Variants in DOCK2 observed in about 807,000 individuals in gnomAD.
The protein encoded by DOCK2 is dedicator of cytokinesis 2.
DOCK2 carries 87 observed loss-of-function variants against 248.9 expected under a neutral mutation model. The observed-to-expected ratio is 0.35, with a 90% CI of 0.29 to 0.42. DOCK2 has a LOEUF of 0.42. Ranked by LOEUF, DOCK2 falls within the 10% of genes least tolerant of loss-of-function variation. The pLI is 1.00. For missense variants in DOCK2, 1,747 were observed against 2,300.2 expected, an observed-to-expected ratio of 0.76 and a Z score of 4.92; for synonymous variants, 805 against 821.6, an observed-to-expected ratio of 0.98 and a Z score of 0.35.
rs1554099582 is a variant in DOCK2 at position 169,776,143 on chromosome 5, T to TATTTATATAAATATA, written c.2554+14518_2554+14519insATTTATATAAATATA. 6.4e-5 allele frequency among the ~76,000 whole-genome samples: 8 copies of TATTTATATAAATATA among 124,930 alleles called. No homozygotes were observed. The East Asian group carries it at 2.5e-3, about 40-fold the overall frequency. 82.0% of individuals were successfully genotyped at this position (124,930 alleles called of 152,430 possible). A position where few individuals can be genotyped will look rare whatever the true frequency, so the allele number is the denominator to read the frequency against. On this transcript the variant is annotated intron_variant, in intron 25 of 51. Coordinates refer to ENST00000520908, the MANE Select transcript of DOCK2 (RefSeq NM_004946.3). The stretch of plus-strand genomic sequence containing the variant: ...TATATATGATATGATATGAATCATA[T>TATTTATATAAATATA]TATATTTATATAAATATATATATTT...
intron 25 of DOCK2, among the ~76,000 whole-genome samples, chr5:169,791,633 GGAGT>G (rs1766341691): frequency 6.6e-6 from 1 of 152,182 alleles, no homozygotes; most frequent in East Asian, 1.9e-4. Flanking sequence ...CTCATGAGCC[GGAGT>G]GAGTGGGGCT....
At chr5:169,942,798 C>T (rs113136212) in intron 27 of DOCK2, among the ~76,000 whole-genome samples, 6,732 of 152,278 alleles carry the variant, frequency 0.044, 221 homozygotes, top group Non-Finnish European at 0.067. Flanking sequence ...CTGTCAGGAA[C>T]CTCAGTCTTT....
chr5:169,739,996 GA>G (rs991004814), intron 22 of DOCK2, among the ~76,000 whole-genome samples: 7 of 152,262 alleles, frequency 4.6e-5, no homozygotes, highest in African/African-American at 1.2e-4. Flanking sequence ...ATATTGGGGG[GA>G]AAAACCCTAA....
At chr5:170,068,042 C>T (rs772744208) in intron 45 of DOCK2, among the ~76,000 whole-genome samples, 1 of 152,150 alleles carries the variant, frequency 6.6e-6, no homozygotes, top group Middle Eastern at 3.2e-3. Flanking sequence ...TATAAACCCA[C>T]CTCTTCCACA....
chr5:170,043,356 A>G (rs575578686), intron 38 of DOCK2, among the ~76,000 whole-genome samples: 1 of 152,358 alleles, frequency 6.6e-6, no homozygotes, highest in South Asian at 2.1e-4. Context: ...GACCTAGTGC[A>G]TAGTAATAGC....
At chr5:170,024,846 G>A (rs1755849226) in intron 33 of DOCK2, among the ~76,000 whole-genome samples, 1 of 152,104 alleles carries the variant, frequency 6.6e-6, no homozygotes, top group Non-Finnish European at 1.5e-5. Flanking sequence ...AAGGGCTCAG[G>A]CATGGTGGTA....
At chr5:169,668,890 A>G (rs1758875204) in intron 2 of DOCK2, among the ~76,000 whole-genome samples, 1 of 152,156 alleles carries the variant, frequency 6.6e-6, no homozygotes, top group Admixed American at 6.5e-5. Context: ...CAGGAATTGA[A>G]AGCATGCAGA....
chr5:169,836,116 T>G lies in DOCK2; in HGVS notation c.2704-4641T>G, dbSNP rs560519962. 3.3e-5 allele frequency among the ~76,000 whole-genome samples: 5 copies of G among 152,340 alleles called. No homozygotes were observed. In the South Asian group the frequency reaches 1.0e-3, roughly 32 times the overall value. On this transcript the variant is annotated intron_variant, in intron 26 of 51. Coordinates refer to ENST00000520908, the MANE Select transcript of DOCK2 (RefSeq NM_004946.3). ...GAACTATATACACTTATAACTTTGA[T>G]AAAAATAAAATTTCATATCAAAACT...
chr5:169,887,854 G>T (rs948672202), intron 27 of DOCK2, among the ~76,000 whole-genome samples: 1 of 152,120 alleles, frequency 6.6e-6, no homozygotes, highest in South Asian at 2.1e-4. Context: ...TGCCATTACT[G>T]CATGAGAAGG....
chr5:169,914,307 A>G (rs1431481497), intron 27 of DOCK2, among the ~76,000 whole-genome samples: 1 of 152,206 alleles, frequency 6.6e-6, no homozygotes, highest in Non-Finnish European at 1.5e-5. Flanking sequence ...TTCATAACCC[A>G]TATAGATATT....
At chr5:169,991,162 C>G (rs1247843866) in intron 29 of DOCK2, among the ~76,000 whole-genome samples, 1 of 152,248 alleles carries the variant, frequency 6.6e-6, no homozygotes, top group Non-Finnish European at 1.5e-5. Flanking sequence ...GCCTGTAGGA[C>G]TCTGTGTGCA....
chr5:170,059,679 C>A lies in DOCK2; in HGVS notation c.4467+2013C>A, dbSNP rs1757261063. Among the ~76,000 whole-genome samples, 2 of 152,192 alleles carry A rather than the reference C, an allele frequency of 1.3e-5. 1 individual carries two copies. The highest frequency in any genetic ancestry group is 4.1e-4 in the South Asian group (2 of 4,830). ...TTTGTCTATTTTATTTTCTGCCATACCTCCAAGTGCTAAGAATAGTCCCTG... is the reference window on the plus strand; with the variant it reads ...TTTGTCTATTTTATTTTCTGCCATAACTCCAAGTGCTAAGAATAGTCCCTG... On this transcript the variant is annotated intron_variant, in intron 44 of 51. Transcript: ENST00000520908.
intron 27 of DOCK2, among the ~76,000 whole-genome samples, chr5:169,956,571 T>C (rs1182668004): frequency 6.6e-6 from 1 of 152,214 alleles, no homozygotes; most frequent in Non-Finnish European, 1.5e-5. Flanking sequence ...TTAGAAGCCT[T>C]AAGATGCTGG....
intron 27 of DOCK2, among the ~76,000 whole-genome samples, chr5:169,979,261 TA>T: frequency 6.6e-6 from 1 of 152,338 alleles, no homozygotes; most frequent in Non-Finnish European, 1.5e-5. Flanking sequence ...TAGGGCTGTC[TA>T]AGTTGCTAGG....
intron 25 of DOCK2, among the ~76,000 whole-genome samples, chr5:169,774,893 TTTG>T (rs71575576): frequency 1.1e-4 from 16 of 150,744 alleles, no homozygotes; most frequent in Non-Finnish European, 1.8e-4. Flanking sequence ...ATGACTGTTT[TTTG>T]TTGTTGTTGT....
chr5:170,037,745 C>G (rs1756371621), intron 36 of DOCK2, among the ~76,000 whole-genome samples: 1 of 152,284 alleles, frequency 6.6e-6, no homozygotes, highest in South Asian at 2.1e-4. Flanking sequence ...CTTGGCCTCT[C>G]AAAGTGCTGG....
intron 22 of DOCK2, among the ~76,000 whole-genome samples, chr5:169,738,024 A>G (rs262843): frequency 0.88 from 134,553 of 152,134 alleles, 59,599 homozygotes; most frequent in East Asian, 0.98. Flanking sequence ...CTCACCCAAT[A>G]GGATCTGACT....
At position 170,073,330 on chromosome 5, in the gene DOCK2, A is replaced by G. The variant is rs183410444; in HGVS notation, c.4729-2617A>G. Reference sequence around the variant, plus strand: ...TATTCTGATCCATCGGTCTATGTCCATGCTTATACCAATACCACACCATCT... The same window carrying G: ...TATTCTGATCCATCGGTCTATGTCCGTGCTTATACCAATACCACACCATCT... On this transcript the variant is annotated intron_variant, in intron 46 of 51. Coordinates refer to ENST00000520908, the MANE Select transcript of DOCK2 (RefSeq NM_004946.3). Among the ~76,000 whole-genome samples, 196 of 152,210 alleles carry G rather than the reference A, an allele frequency of 1.3e-3. 1 individual carries two copies. The highest frequency in any genetic ancestry group is 4.3e-3 in the African/African-American group (177 of 41,534).
chr5:169,850,130 T>A (rs924260575), intron 27 of DOCK2, among the ~76,000 whole-genome samples: 3 of 152,218 alleles, frequency 2.0e-5, no homozygotes, highest in African/African-American at 7.2e-5. Context: ...CAGAATGCAC[T>A]GTCGGTATTA....
Sources: allele counts gnomAD v4.1 joint callset (sites outside exome capture counted in the v4.1 genomes callset), GRCh38; gene constraint gnomAD v4.1.1; transcripts MANE v1.5; gene names NCBI Gene and HGNC (gene_info 2026-07-23, HGNC 2026-07-21).